TNRC18: variants seen among roughly 807,000 people sequenced by gnomAD.
TNRC18 encodes trinucleotide repeat-containing gene 18 protein.
TNRC18 carries 69 observed loss-of-function variants against 226.7 expected under a neutral mutation model. That is an observed-to-expected ratio of 0.30 (90% CI 0.25 to 0.37). The LOEUF is 0.37. Among genes scored for constraint, TNRC18 ranks in the 10% least tolerant of loss-of-function variants. TNRC18 has a pLI of 1.00. For synonymous variants in TNRC18, 2,449 were observed against 1,927.6 expected, an observed-to-expected ratio of 1.27 and a Z score of -7.09; for missense variants, 4,754 against 4,256.6, an observed-to-expected ratio of 1.12 and a Z score of -3.25.
chr7:5,422,181 G>C (rs937159329), intron 1 of TNRC18, among the ~76,000 whole-genome samples: 1 of 152,104 alleles, frequency 6.6e-6, no homozygotes, highest in Non-Finnish European at 1.5e-5. Context: ...CTAAGGACTG[G>C]AAAGAATCCT....
chr7:5,388,874 A>C lies in TNRC18; in HGVS notation c.950T>G (p.Leu317Arg), dbSNP rs1780041090. The C allele has an allele frequency of 1.5e-5, 19 of 1,300,590 alleles. No individual in the cohort carries two copies. The highest frequency in any genetic ancestry group is 1.8e-5 in the Non-Finnish European group (18 of 1,020,274). 80.6% of individuals were successfully genotyped at this position (1,300,590 alleles called of 1,614,324 possible). Reference sequence around the variant, plus strand: ...GAGCAGGGTCTCCGTGCGCCGCAGCAGCCGCGCGCCCTCGTCCTGCCGGGC... The same window carrying C: ...GAGCAGGGTCTCCGTGCGCCGCAGCCGCCGCGCGCCCTCGTCCTGCCGGGC... ...EAARQDEGAR[L>R]LRRTETLLPG... The change falls in exon 5 of 30, where the codon CTG (leucine) becomes CGG (arginine). Residue 317 changes from leucine to arginine, a missense_variant. By Grantham distance (102) the Leu-to-Arg change is moderately radical. Transcript: ENST00000430969.
chr7:5,322,890 G>T (rs1480816938), intron 21 of TNRC18, among the ~76,000 whole-genome samples: 2 of 152,206 alleles, frequency 1.3e-5, no homozygotes, highest in African/African-American at 4.8e-5. Context: ...CCCTGACGTT[G>T]GGCTTGGCCA....
chr7:5,389,211 G>C lies in TNRC18; in HGVS notation c.613C>G (p.Pro205Ala). 2 of 1,344,250 alleles carry C rather than the reference G, an allele frequency of 1.5e-6. No individual in the cohort carries two copies. Among genetic ancestry groups the C allele is most frequent in the Non-Finnish European group, 1.9e-6 (2 of 1,049,756 alleles). 83.3% of individuals were successfully genotyped at this position (1,344,250 alleles called of 1,614,324 possible). ...CCGCGGCCCGCCCGCTCCTTGGCTGGACCGTCCCGCGACGACGAGCCTTTG... is the reference window on the plus strand; with the variant it reads ...CCGCGGCCCGCCCGCTCCTTGGCTGCACCGTCCCGCGACGACGAGCCTTTG... ...PAKGSSSRDG[P>A]AKERAGRGGE... Residue 205 changes from proline to alanine, a missense_variant, in exon 5 of 30, where the codon CCA (proline) becomes GCA (alanine). Pro to Ala is a conservative substitution (Grantham distance 27). Coordinates refer to ENST00000430969, the MANE Select transcript of TNRC18 (RefSeq NM_001080495.3).
chr7:5,315,909 T>G, intron 25 of TNRC18, 47 bp downstream of exon 25: 1 of 1,421,734 alleles, frequency 7.0e-7, no homozygotes, highest in Non-Finnish European at 9.5e-7. Flanking sequence ...AGAGCCTGGG[T>G]GGGCGGCCCC....
In TNRC18 at chr7:5,346,619, G is replaced by A. The variant is rs1369812133; in HGVS notation, c.5471-809C>T. On this transcript the variant is annotated intron_variant, in intron 17 of 29. Coordinates refer to ENST00000430969, the MANE Select transcript of TNRC18 (RefSeq NM_001080495.3). ...AGCCCAGGAGTTCCAGACCAGCCTGGGCAACGCAGAGTCCCCGTGACTAAT... is the reference window on the plus strand; with the variant it reads ...AGCCCAGGAGTTCCAGACCAGCCTGAGCAACGCAGAGTCCCCGTGACTAAT... 2.0e-5 allele frequency among the ~76,000 whole-genome samples: 3 copies of A among 152,288 alleles called. No homozygotes were observed. In the East Asian group the frequency reaches 5.8e-4, roughly 29 times the overall value.
Position 5,390,267 on chromosome 7 carries a change from A to T in TNRC18, c.487+218T>A. The T allele has an allele frequency of 5.3e-6, 3 of 562,482 alleles. No individual in the cohort carries two copies. In the South Asian group the frequency reaches 8.1e-5, roughly 15 times the overall value. The allele number at this position is 562,482 out of a possible 1,614,324, so 34.8% of individuals were successfully genotyped here. A position where few individuals can be genotyped will look rare whatever the true frequency, so the allele number is the denominator to read the frequency against. ...GCAGTCCCAGCTACTTGGGGGGCTG[A>T]GTCAGGTGCATCATTTGGGAGTTTG... On this transcript the variant is annotated intron_variant, in intron 4 of 29. Transcript: ENST00000430969.
chr7:5,357,121 G>A lies in TNRC18; in HGVS notation c.4989C>T (p.Gly1663=), dbSNP rs1482592232. The A allele has an allele frequency of 6.4e-7, 1 of 1,554,930 alleles. No individual in the cohort carries two copies. The highest frequency in any genetic ancestry group is 8.7e-7 in the Non-Finnish European group (1 of 1,148,540). Residue 1663 remains glycine (G), a synonymous_variant, in exon 16 of 30, where the codon GGC becomes GGT. Coordinates refer to ENST00000430969, the MANE Select transcript of TNRC18 (RefSeq NM_001080495.3). ...GGCTGTCGTAAGGAGTCAAGTACCT[G>A]CCGCAGCCCCCGCTAGTTTTCGATT... ...GGKSKTSGGC[G]RYLTPYDSLL...
rs1480644484 is a variant in TNRC18 at position 5,324,275 on chromosome 7, C to G, written c.6381G>C (p.Ser2127=). 3.1e-6 allele frequency: 5 copies of G among 1,613,306 alleles called. No individual in the cohort carries two copies. The highest frequency in any genetic ancestry group is 1.7e-5 in the Admixed American group (1 of 59,990). ...GCAGGTGCTCGTCCTCAGAGAAGCT[C>G]GAGTCTTGGTTGGGTTCAAAGTCCT... ...AEEDFEPNQD[S]SFSEDEHLPR... Residue 2127 remains serine, a synonymous_variant, in exon 21 of 30, where the codon TCG becomes TCC. Transcript: ENST00000430969. The surrounding 1 kb of genome is among the most constrained non-coding windows in gnomAD (Gnocchi z 4.8).
At chr7:5,348,127 G>T (rs1221115252) in intron 17 of TNRC18, among the ~76,000 whole-genome samples, 2 of 152,192 alleles carry the variant, frequency 1.3e-5, no homozygotes, top group Non-Finnish European at 2.9e-5. Flanking sequence ...CAGACAGGAG[G>T]CTCCCTGCAC....
chr7:5,401,703 G>C (rs1445582072), intron 2 of TNRC18, among the ~76,000 whole-genome samples: 13 of 152,192 alleles, frequency 8.5e-5, no homozygotes, highest in Admixed American at 8.5e-4. Context: ...GGCCACATTT[G>C]GCTAGACTGC....
intron 1 of TNRC18, among the ~76,000 whole-genome samples, 160 bp from the exon 2 acceptor site, chr7:5,421,649 C>A (rs1049510353): frequency 6.6e-6 from 1 of 152,236 alleles, no homozygotes; most frequent in East Asian, 1.9e-4. Context: ...CCCCTTTCCA[C>A]TGAAAAATGA....
At chr7:5,378,051 C>T in intron 5 of TNRC18, 27 bp from the exon 6 acceptor site, 1 of 1,591,654 alleles carries the variant, frequency 6.3e-7, no homozygotes, top group Non-Finnish European at 8.6e-7. Context: ...GGAAGTGAGC[C>T]CCCAGCCAGC....
At chr7:5,314,954 C>T (rs755360069) in intron 26 of TNRC18, 30 bp downstream of exon 26, 8 of 1,581,444 alleles carry the variant, frequency 5.1e-6, no homozygotes, top group South Asian at 3.5e-5. Context: ...ATCCGCCCAC[C>T]GCCCTGCCCT....
chr7:5,365,849 C>T (rs1793563525), intron 11 of TNRC18, among the ~76,000 whole-genome samples: 1 of 152,038 alleles, frequency 6.6e-6, no homozygotes, highest in Non-Finnish European at 1.5e-5. Context: ...GCGGGCGGAT[C>T]ACCTGAGGTC....
At position 5,309,765 on chromosome 7, in the gene TNRC18, T is replaced by G. The variant is rs1412744280; in HGVS notation, c.8389-397A>C. On this transcript the variant is annotated intron_variant, in intron 27 of 29. Coordinates refer to ENST00000430969, the MANE Select transcript of TNRC18 (RefSeq NM_001080495.3). This position sits in a 1 kb window ranked among gnomAD's most constrained non-coding sequence, Gnocchi z 5.7. ...AATACAGGCGCACACCACGCCCGGC[T>G]AATTTTGATTATTTTTGTAGAGAAC... Among the ~76,000 whole-genome samples the G allele has an allele frequency of 6.6e-6, 1 of 152,224 alleles. No homozygotes were observed. The highest frequency in any genetic ancestry group is 1.5e-5 in the Non-Finnish European group (1 of 68,048).
At chr7:5,329,571 T>A (rs1789290591) in intron 19 of TNRC18, among the ~76,000 whole-genome samples, 1 of 149,004 alleles carries the variant, frequency 6.7e-6, no homozygotes. Context: ...TAATCTCAGC[T>A]ACTTGGGAGG....
At chr7:5,403,453 C>A (rs1395993283) in intron 2 of TNRC18, among the ~76,000 whole-genome samples, 1 of 151,982 alleles carries the variant, frequency 6.6e-6, no homozygotes, top group African/African-American at 2.4e-5. Flanking sequence ...AGCCACCATG[C>A]CCGGTTTATC....
intron 5 of TNRC18, among the ~76,000 whole-genome samples, chr7:5,378,376 G>C (rs1282897097): frequency 6.6e-6 from 1 of 152,000 alleles, no homozygotes; most frequent in Non-Finnish European, 1.5e-5. Flanking sequence ...CGTGAGGCCG[G>C]GTGCACTTAC....
intron 16 of TNRC18, among the ~76,000 whole-genome samples, chr7:5,353,318 C>T (rs772524531): frequency 2.5e-4 from 38 of 152,166 alleles, no homozygotes; most frequent in Admixed American, 3.9e-4. Flanking sequence ...GGGCAGCTCA[C>T]GTGAGGCCAG....
Sources: allele counts gnomAD v4.1 joint callset (sites outside exome capture counted in the v4.1 genomes callset), GRCh38; gene constraint gnomAD v4.1.1; non-coding constraint Gnocchi (gnomAD v3.1); transcripts MANE v1.5; gene names NCBI Gene and HGNC (gene_info 2026-07-23, HGNC 2026-07-21).